Variants in ETV6 observed in about 807,000 individuals in gnomAD.
ETV6 encodes ETS variant transcription factor 6.
In ETV6, 16 loss-of-function variants were observed where a neutral mutation model predicts 51.1. The observed-to-expected ratio is 0.31, with a 90% confidence interval of 0.21 to 0.48. The LOEUF (loss-of-function observed/expected upper bound fraction) is 0.48, where lower values mean the gene tolerates loss of function less well. Among genes scored for constraint, ETV6 ranks in the 20% least tolerant of loss-of-function variants. The pLI is 0.99. For synonymous variants in ETV6, 240 were observed against 224.1 expected (o/e 1.07, Z -0.64); for missense variants, 458 against 594.8 (o/e 0.77, Z 2.39).
At chr12:11,865,869 T>C (rs532670638) in intron 4 of ETV6, among the ~76,000 whole-genome samples, 3 of 152,100 alleles carry the variant, frequency 2.0e-5, no homozygotes, top group East Asian at 3.9e-4. Flanking sequence ...ATTTTACATA[T>C]CTTACTTGAG....
At chr12:11,773,522 T>C (rs1179972932) in intron 2 of ETV6, among the ~76,000 whole-genome samples, 2 of 152,304 alleles carry the variant, frequency 1.3e-5, no homozygotes, top group East Asian at 3.9e-4. Context: ...CATTATTTTA[T>C]TGTAATCCGC....
At chr12:11,774,626 T>C (rs1807477943) in intron 2 of ETV6, among the ~76,000 whole-genome samples, 1 of 152,232 alleles carries the variant, frequency 6.6e-6, no homozygotes, top group South Asian at 2.1e-4. Context: ...GCCCAGGTTT[T>C]CATTTGGCTC....
At chr12:11,786,691 G>A (rs1256940508) in intron 2 of ETV6, among the ~76,000 whole-genome samples, 2 of 152,180 alleles carry the variant, frequency 1.3e-5, no homozygotes, top group Non-Finnish European at 2.9e-5. Context: ...AGAGTATTGG[G>A]CCAGGTGATT....
At chr12:11,797,787 C>T (rs1357460037) in intron 2 of ETV6, among the ~76,000 whole-genome samples, 1 of 152,162 alleles carries the variant, frequency 6.6e-6, no homozygotes, top group Admixed American at 6.5e-5. Context: ...AGCTAAAACC[C>T]AAGTAAAATA....
intron 1 of ETV6, among the ~76,000 whole-genome samples, chr12:11,746,786 CTCTCTTT>C (rs1242180985): frequency 7.2e-5 from 8 of 111,546 alleles, no homozygotes; most frequent in South Asian, 6.5e-4. Context: ...TGCTCTCTCT[CTCTCTTT>C]TTTTTTTTTT....
At chr12:11,810,397 T>C (rs1352794180) in intron 2 of ETV6, among the ~76,000 whole-genome samples, 2 of 152,194 alleles carry the variant, frequency 1.3e-5, no homozygotes, top group African/African-American at 4.8e-5. Flanking sequence ...CAAAGGCATT[T>C]CGAAGACCTT....
intron 1 of ETV6, among the ~76,000 whole-genome samples, chr12:11,720,853 T>G (rs929652462): frequency 2.6e-5 from 4 of 152,048 alleles, no homozygotes; most frequent in African/African-American, 9.7e-5. Flanking sequence ...CCAGAATCTA[T>G]AAGGAACTTA....
chr12:11,767,932 A>G (rs1327873751), intron 2 of ETV6, among the ~76,000 whole-genome samples: 2 of 152,142 alleles, frequency 1.3e-5, no homozygotes, highest in Non-Finnish European at 2.9e-5. Context: ...AATGACTAGG[A>G]TCATGGGTTG....
intron 2 of ETV6, among the ~76,000 whole-genome samples, chr12:11,799,076 T>C (rs574492752): frequency 6.6e-6 from 1 of 152,284 alleles, no homozygotes; most frequent in South Asian, 2.1e-4. Context: ...AGGAGTGCAT[T>C]GTGGGACTTT....
At position 11,684,627 on chromosome 12, in the gene ETV6, A is replaced by G. The variant is rs188820854; in HGVS notation, c.33+34467A>G. ...ATCCTTCTCACCCTTCCCCTTCCCT[A>G]TTATTTTGAAGTACTAGTCACTCAG... On this transcript the variant is annotated intron_variant, in intron 1 of 7. Transcript: ENST00000396373. Among the ~76,000 whole-genome samples the G allele has an allele frequency of 3.9e-3, 589 of 152,280 alleles. 3 individuals are homozygous for G. The highest frequency in any genetic ancestry group is 0.014 in the African/African-American group (561 of 41,544).
chr12:11,888,398 C>CTTT (rs1555148147), intron 7 of ETV6, among the ~76,000 whole-genome samples: 146 of 80,686 alleles, frequency 1.8e-3, no homozygotes, highest in Admixed American at 2.7e-3. Context: ...CTTTTCTTTT[C>CTTT]TTTTTTTTTT....
chr12:11,735,292 T>C (rs1865682397), intron 1 of ETV6, among the ~76,000 whole-genome samples: 1 of 152,078 alleles, frequency 6.6e-6, no homozygotes, highest in African/African-American at 2.4e-5. Context: ...GACCCCCAAT[T>C]GTATAAGCCT....
chr12:11,775,769 C>T (rs1219759147), intron 2 of ETV6, among the ~76,000 whole-genome samples: 3 of 152,216 alleles, frequency 2.0e-5, no homozygotes, highest in South Asian at 2.1e-4. Flanking sequence ...ATACAAGCAG[C>T]GCATCCAAGA....
At chr12:11,819,725 C>G (rs188350558) in intron 2 of ETV6, among the ~76,000 whole-genome samples, 57 of 152,330 alleles carry the variant, frequency 3.7e-4, no homozygotes, top group Admixed American at 3.5e-3. Flanking sequence ...AATTCTACCC[C>G]ATGGTATCTT....
intron 1 of ETV6, among the ~76,000 whole-genome samples, chr12:11,708,256 T>TG (rs1174237150): frequency 2.2e-5 from 3 of 135,790 alleles, no homozygotes; most frequent in Non-Finnish European, 4.7e-5. Flanking sequence ...GGAGTCTCAG[T>TG]GAAAAAAAAA....
chr12:11,734,331 G>A (rs1260510225), intron 1 of ETV6, among the ~76,000 whole-genome samples: 1 of 152,024 alleles, frequency 6.6e-6, no homozygotes, highest in Non-Finnish European at 1.5e-5. Context: ...TCTGAACTGG[G>A]CGCAGTGGTT....
At chr12:11,716,722 T>G (rs1242483899) in intron 1 of ETV6, 5 of 152,200 alleles carry the variant, frequency 3.3e-5, no homozygotes. Flanking sequence ...GCTCTAAAAT[T>G]ATGTGATTTT....
At chr12:11,860,378 C>G (rs1377715056) in intron 4 of ETV6, among the ~76,000 whole-genome samples, 1 of 152,144 alleles carries the variant, frequency 6.6e-6, no homozygotes, top group Non-Finnish European at 1.5e-5. Flanking sequence ...TGCGTGCACT[C>G]TACATCCCCC....
intron 3 of ETV6, among the ~76,000 whole-genome samples, chr12:11,849,009 A>G (rs1038712192): frequency 6.6e-6 from 1 of 152,268 alleles, no homozygotes; most frequent in African/African-American, 2.4e-5. Context: ...CCATTAGCTA[A>G]GTTAGATATA....
Sources: allele counts gnomAD v4.1 joint callset (sites outside exome capture counted in the v4.1 genomes callset), GRCh38; gene constraint gnomAD v4.1.1; transcripts MANE v1.5; gene names NCBI Gene and HGNC (gene_info 2026-07-23, HGNC 2026-07-21).